Variants in MAP2 observed in about 807,000 individuals in gnomAD.
MAP2 encodes the protein microtubule-associated protein 2.
MAP2 carries 14 observed loss-of-function variants against 137.6 expected under a neutral mutation model. The ratio of observed to expected loss-of-function variants is 0.10; its 90% confidence interval spans 0.07 to 0.16. The LOEUF is 0.16. Ranked by LOEUF, MAP2 falls within the 10% of genes least tolerant of loss-of-function variation. MAP2 has a pLI of 1.00. For synonymous variants in MAP2, 786 were observed against 782.3 expected (o/e 1.00, Z -0.08); for missense variants, 2,088 against 2,191.5 (o/e 0.95, Z 0.94).
At chr2:209,451,285 G>A (rs58195909) in intron 1 of MAP2, among the ~76,000 whole-genome samples, 14,378 of 152,140 alleles carry the variant, frequency 0.095, 1,457 homozygotes, top group African/African-American at 0.26. Context: ...TGTGACCCTA[G>A]GCGTCTGCCC....
intron 2 of MAP2, among the ~76,000 whole-genome samples, chr2:209,551,952 A>T (rs2153298909): frequency 6.6e-6 from 1 of 152,334 alleles, no homozygotes; most frequent in East Asian, 1.9e-4. Flanking sequence ...GACTCATCCC[A>T]AAGCCATGCC....
intron 5 of MAP2, among the ~76,000 whole-genome samples, chr2:209,653,749 T>C (rs547992601): frequency 6.6e-6 from 1 of 152,218 alleles, no homozygotes; most frequent in African/African-American, 2.4e-5. Flanking sequence ...AGTTTTTTTT[T>C]AATTCTCTTA....
At chr2:209,551,542 A>G (rs988981977) in intron 2 of MAP2, among the ~76,000 whole-genome samples, 1 of 152,210 alleles carries the variant, frequency 6.6e-6, no homozygotes, top group Non-Finnish European at 1.5e-5. Flanking sequence ...GGACATTGTG[A>G]TAACTTCCTT....
intron 2 of MAP2, among the ~76,000 whole-genome samples, chr2:209,540,083 AG>A (rs1408546812): frequency 7.4e-6 from 1 of 134,554 alleles, no homozygotes; most frequent in East Asian, 2.3e-4. Context: ...ACTGGGTGAC[AG>A]AGGGAGACGT....
chr2:209,517,562 T>C (rs2062688135), intron 2 of MAP2, among the ~76,000 whole-genome samples: 1 of 152,090 alleles, frequency 6.6e-6, no homozygotes, highest in Non-Finnish European at 1.5e-5. Context: ...ATTGCTTAGA[T>C]AGTTTTTACA....
At chr2:209,720,412 G>A (rs2069901866) in intron 13 of MAP2, among the ~76,000 whole-genome samples, 1 of 152,094 alleles carries the variant, frequency 6.6e-6, no homozygotes, top group Non-Finnish European at 1.5e-5. Context: ...GCCGAGGCGG[G>A]CAGATCACGA....
intron 3 of MAP2, among the ~76,000 whole-genome samples, chr2:209,583,147 G>GTCTATCTATCTATCTA (rs3036663): frequency 0.034 from 5,054 of 147,186 alleles, 117 homozygotes; most frequent in East Asian, 0.045. Context: ...CTGTCTGTCT[G>GTCTATCTATCTATCTA]TCTATCTATC....
intron 1 of MAP2, among the ~76,000 whole-genome samples, chr2:209,490,605 CAAAAAAAAAAA>C (rs59133937): frequency 2.2e-3 from 12 of 5,560 alleles, no homozygotes; most frequent in Non-Finnish European, 2.5e-3. Context: ...AAATGGAAAG[CAAAAAAAAAAA>C]AAAAAAAAAA....
chr2:209,508,609 CACAG>C (rs1324073370), intron 2 of MAP2, among the ~76,000 whole-genome samples: 1 of 123,766 alleles, frequency 8.1e-6, no homozygotes, highest in Admixed American at 8.3e-5. Flanking sequence ...CACACACACA[CACAG>C]AGATGAAAAA....
chr2:209,432,214 A>G (rs1044566047), intron 1 of MAP2, among the ~76,000 whole-genome samples: 2 of 152,170 alleles, frequency 1.3e-5, no homozygotes, highest in African/African-American at 4.8e-5. Flanking sequence ...TAACATTTTT[A>G]GCTAAGAAGA....
chr2:209,721,738 G>A (rs1440075424), intron 13 of MAP2, among the ~76,000 whole-genome samples: 1 of 152,106 alleles, frequency 6.6e-6, no homozygotes, highest in Non-Finnish European at 1.5e-5. Flanking sequence ...TGATCACTTG[G>A]CAATGAGTCA....
At chr2:209,644,670 C>CAAAAAAAAAAAA (rs68166330) in intron 4 of MAP2, among the ~76,000 whole-genome samples, 2 of 68,592 alleles carry the variant, frequency 2.9e-5, no homozygotes, top group African/African-American at 4.1e-5. Context: ...GACCCTGTCT[C>CAAAAAAAAAAAA]AAAAAAAAAA....
At chr2:209,718,603 C>T (rs1256367248) in intron 13 of MAP2, among the ~76,000 whole-genome samples, 1 of 152,036 alleles carries the variant, frequency 6.6e-6, no homozygotes, top group South Asian at 2.1e-4. Context: ...ATTATCTATT[C>T]ACCCCGGGCT....
At chr2:209,545,078 T>C (rs72997665) in intron 2 of MAP2, among the ~76,000 whole-genome samples, 10,270 of 152,290 alleles carry the variant, frequency 0.067, 488 homozygotes, top group Non-Finnish European at 0.11. Context: ...ATTTTAGCTA[T>C]GGGATAATAG....
intron 3 of MAP2, among the ~76,000 whole-genome samples, chr2:209,606,103 A>G (rs574123238): frequency 6.6e-6 from 1 of 152,152 alleles, no homozygotes; most frequent in East Asian, 1.9e-4. Context: ...AAATTTCTCC[A>G]ATGTGTAAAA....
chr2:209,449,392 A>G (rs1699828737), intron 1 of MAP2, among the ~76,000 whole-genome samples: 2 of 152,188 alleles, frequency 1.3e-5, no homozygotes, highest in African/African-American at 4.8e-5. Context: ...AGAAAACTGG[A>G]TGTTTAGAGA....
At chr2:209,663,421 A>G (rs2044655287) in intron 5 of MAP2, among the ~76,000 whole-genome samples, 1 of 152,178 alleles carries the variant, frequency 6.6e-6, no homozygotes, top group Non-Finnish European at 1.5e-5. Context: ...AGCTCGTCTC[A>G]CTGAATGAGT....
intron 13 of MAP2, among the ~76,000 whole-genome samples, chr2:209,711,062 T>G (rs919106236): frequency 1.3e-5 from 2 of 152,178 alleles, no homozygotes; most frequent in Non-Finnish European, 2.9e-5. Flanking sequence ...CTATTCAGGA[T>G]AGTTTAACTT....
At chr2:209,617,879 G>A (rs1267086169) in intron 3 of MAP2, among the ~76,000 whole-genome samples, 2 of 151,852 alleles carry the variant, frequency 1.3e-5, no homozygotes, top group Non-Finnish European at 2.9e-5. Context: ...GTACGTATAT[G>A]GTTTAACATT....
Sources: gnomAD v4.1 joint callset for allele counts (sites outside exome capture counted in the v4.1 genomes callset) on GRCh38, gnomAD v4.1.1 for gene constraint, MANE v1.5 for transcripts, NCBI Gene and HGNC (gene_info 2026-07-23, HGNC 2026-07-21) for gene names.